Variants in DHX37 observed in about 807,000 individuals in gnomAD.
The protein encoded by DHX37 is DEAH-box helicase 37.
A neutral mutation model predicts 134.3 loss-of-function variants in DHX37; 52 were observed. The observed-to-expected ratio is 0.39, with a 90% CI of 0.31 to 0.49. The LOEUF (loss-of-function observed/expected upper bound fraction) is 0.49, where lower values mean the gene tolerates loss of function less well. Among genes scored for constraint, DHX37 ranks in the 20% least tolerant of loss-of-function variants. The pLI, the probability that DHX37 is intolerant of heterozygous loss-of-function variation, is 0.93. For synonymous variants in DHX37, 634 were observed against 670.7 expected, an observed-to-expected ratio of 0.95 and a Z score of 0.85; for missense variants, 1,344 against 1,580.8, an observed-to-expected ratio of 0.85 and a Z score of 2.54.
rs778216708 is a variant in DHX37 at position 124,964,603 on chromosome 12, C to T, written c.1836G>A (p.Gly612=). ...QAQVFKPPPE[G]TRLCVVATNV... ...TGGTGGCCACAACACACAACCGAGT[C>T]CCCTCCGGTGGAGGCTTAAAGACCT... Residue 612 remains glycine, a synonymous_variant, in exon 15 of 27, where the codon GGG becomes GGA. Transcript: ENST00000308736. 2 of 1,612,408 alleles carry T rather than the reference C, an allele frequency of 1.2e-6. No individual in the cohort carries two copies. The highest frequency in any genetic ancestry group is 1.7e-6 in the Non-Finnish European group (2 of 1,179,544).
chr12:124,950,663 C>A (rs745664037), intron 22 of DHX37, 27 bp downstream of exon 22: 3 of 1,609,792 alleles, frequency 1.9e-6, no homozygotes, highest in East Asian at 4.5e-5. Flanking sequence ...CATCGGGGGA[C>A]AAGGGGCTGT....
At position 124,982,586 on chromosome 12, in the gene DHX37, G is replaced by A. The variant is rs1396615441; in HGVS notation, c.314C>T (p.Ala105Val). The A allele has an allele frequency of 3.1e-6, 5 of 1,613,716 alleles. No homozygotes were observed. In the South Asian group the frequency reaches 4.4e-5, roughly 14 times the overall value. ...EMLQKLSEVQ[A>V]SEAEMRLFYT... ...AAAGAGTCTCATCTCAGCTTCGGAA[G>A]CCTGGACTTCACTCAGCTTCTGTAG... The change falls in exon 3 of 27, where the codon GCT (alanine) becomes GTT (valine). Residue 105 changes from alanine to valine, a missense_variant. Ala to Val is a moderately conservative substitution (Grantham distance 64, BLOSUM62 0). Coordinates refer to ENST00000308736, the MANE Select transcript of DHX37 (RefSeq NM_032656.4).
intron 1 of DHX37, among the ~76,000 whole-genome samples, 185 bp downstream of exon 1, chr12:124,988,732 C>A (rs1206341740): frequency 6.6e-6 from 1 of 151,964 alleles, no homozygotes; most frequent in Non-Finnish European, 1.5e-5. Context: ...ATTCCATATA[C>A]ACTGTTAAAA....
At chr12:124,970,791 C>G (rs192440492) in intron 8 of DHX37, among the ~76,000 whole-genome samples, 1 of 152,340 alleles carries the variant, frequency 6.6e-6, no homozygotes, top group East Asian at 1.9e-4. Context: ...CCCCTCTCCC[C>G]GCCGGGAGGG....
At chr12:124,976,464 C>A (rs1000450782) in intron 5 of DHX37, among the ~76,000 whole-genome samples, 3 of 152,202 alleles carry the variant, frequency 2.0e-5, no homozygotes, top group Non-Finnish European at 2.9e-5. Flanking sequence ...GTAATCCCAG[C>A]ACTTTGGGAG....
Position 124,965,780 on chromosome 12 carries a change from C to G in DHX37, c.1623G>C (p.Ser541=). ...VLPQINLDHY[S]VLPAGEGDED... Reference sequence around the variant, plus strand: ...CATCGCCTTCGCCTGCCGGTAACACCGAGTAATGATCCAAGTTGATCTGGG... The same window carrying G: ...CATCGCCTTCGCCTGCCGGTAACACGGAGTAATGATCCAAGTTGATCTGGG... The change falls in exon 13 of 27, where the codon TCG becomes TCC. Residue 541 remains serine (S), a synonymous_variant. Transcript: ENST00000308736. 6.2e-7 allele frequency: 1 copy of G among 1,613,906 alleles called. No individual in the cohort carries two copies. Among genetic ancestry groups the G allele is most frequent in the African/African-American group, 1.3e-5 (1 of 75,048 alleles).
Position 124,950,393 on chromosome 12 carries a change from A to C in DHX37, c.3121+20T>G, listed in dbSNP as rs1217957933. On this transcript the variant is annotated intron_variant, in intron 23 of 26. Coordinates refer to ENST00000308736, the MANE Select transcript of DHX37 (RefSeq NM_032656.4). ...CGGCTGCAGGAGGCTCAGGTTGCCCAGGACACTGCCCCAACTCACAGAACA... is the reference window on the plus strand; with the variant it reads ...CGGCTGCAGGAGGCTCAGGTTGCCCCGGACACTGCCCCAACTCACAGAACA... 6.3e-7 allele frequency: 1 copy of C among 1,598,086 alleles called. No homozygotes were observed. The highest frequency in any genetic ancestry group is 1.7e-5 in the Admixed American group (1 of 58,518).
chr12:124,970,465 T>C (rs1954492257), intron 8 of DHX37, among the ~76,000 whole-genome samples: 1 of 152,202 alleles, frequency 6.6e-6, no homozygotes, highest in East Asian at 1.9e-4. Context: ...TCAGGACCTT[T>C]GCATTGCTCT....
chr12:124,955,581 G>A (rs934149478), intron 18 of DHX37, among the ~76,000 whole-genome samples: 12 of 152,234 alleles, frequency 7.9e-5, no homozygotes, highest in African/African-American at 2.9e-4. Flanking sequence ...CAAGTGCTGG[G>A]ATTACAGGCG....
At chr12:124,950,903 C>A (rs976036579) in intron 21 of DHX37, 99 bp from the exon 22 acceptor site, 1 of 1,422,618 alleles carries the variant, frequency 7.0e-7, no homozygotes, top group East Asian at 2.7e-5. Context: ...CCACTCCAGC[C>A]GCAAAAGTGG....
intron 10 of DHX37, among the ~76,000 whole-genome samples, chr12:124,968,058 CA>C (rs759255699): frequency 6.4e-5 from 9 of 140,592 alleles, no homozygotes; most frequent in Admixed American, 3.0e-4. Context: ...CCAGCCTGGG[CA>C]ACAAGAGTAA....
chr12:124,985,327 G>A (rs1954845153), intron 2 of DHX37, among the ~76,000 whole-genome samples: 1 of 152,136 alleles, frequency 6.6e-6, no homozygotes, highest in Admixed American at 6.6e-5. Context: ...GATCAATGTT[G>A]GAGCTGGCGA....
In DHX37 at chr12:124,980,461, T is replaced by C; in HGVS notation, c.738+29A>G. 6.2e-7 allele frequency: 1 copy of C among 1,600,200 alleles called. No homozygotes were observed. Among genetic ancestry groups the C allele is most frequent in the Non-Finnish European group, 8.5e-7 (1 of 1,176,178 alleles). On this transcript the variant is annotated intron_variant, in intron 4 of 26. Coordinates refer to ENST00000308736, the MANE Select transcript of DHX37 (RefSeq NM_032656.4). The surrounding 1 kb of genome is among the most constrained non-coding windows in gnomAD (Gnocchi z 5.3). ...TGCGCCCCTTGCCCGCTAACCTAGA[T>C]TCTTAATCACAAACACGGGGTGGCG...
chr12:124,950,503 A>G lies in DHX37; in HGVS notation c.3031T>C (p.Tyr1011His), dbSNP rs376756435. The G allele has an allele frequency of 2.4e-5, 37 of 1,569,570 alleles. No homozygotes were observed. The African/African-American group carries it at 4.6e-4, about 20-fold the overall frequency. The change falls in exon 23 of 27, where the codon TAC becomes CAC. Residue 1011 changes from tyrosine (Y) to histidine (H), a missense_variant. Tyr to His is a moderately conservative substitution (Grantham distance 83). Transcript: ENST00000308736. ...VQWIPALLPS[Y>H]CQFDKPLEEP... ...TCCAGGGGCTTGTCAAACTGGCAGT[A>G]AGAGGGCAGCAGGGCCGGGATCCAC...
At position 124,985,346 on chromosome 12, in the gene DHX37, T is replaced by C. The variant is rs536129434; in HGVS notation, c.276+750A>G. Among the ~76,000 whole-genome samples, 4 of 152,222 alleles carry C rather than the reference T, an allele frequency of 2.6e-5. No homozygotes were observed. The South Asian group carries it at 8.3e-4, about 32-fold the overall frequency. ...AATGTTGGAGCTGGCGATGGGCACATGGGAGTTCATCATACTGTTCTCTTT... is the reference window on the plus strand; with the variant it reads ...AATGTTGGAGCTGGCGATGGGCACACGGGAGTTCATCATACTGTTCTCTTT... On this transcript the variant is annotated intron_variant, in intron 2 of 26. Transcript: ENST00000308736.
intron 21 of DHX37, among the ~76,000 whole-genome samples, 170 bp from the exon 22 acceptor site, chr12:124,950,974 T>C (rs1196059635): frequency 6.6e-6 from 1 of 151,992 alleles, no homozygotes; most frequent in Non-Finnish European, 1.5e-5. Context: ...GATCCAGCCG[T>C]GAAAAGGAAG....
intron 4 of DHX37, among the ~76,000 whole-genome samples, chr12:124,979,707 A>G (rs983976065): frequency 1.6e-4 from 25 of 152,230 alleles, no homozygotes; most frequent in Non-Finnish European, 8.8e-5. Context: ...AAGGGATGGC[A>G]GGGACACGGG....
Position 124,966,795 on chromosome 12 carries a change from CAG to C in DHX37, c.1586_1587del (p.Ala529GlyfsTer21). The C allele has an allele frequency of 6.2e-7, 1 of 1,614,248 alleles. No individual in the cohort carries two copies. The highest frequency in any genetic ancestry group is 8.5e-7 in the Non-Finnish European group (1 of 1,180,032). Reference sequence around the variant, plus strand: ...GTCCCTGCCAGCCCCCCACGTACCTCAGCCCGCGCCTTCTTGGCCCTGGCCCT... The same window carrying C: ...GTCCCTGCCAGCCCCCCACGTACCTCCCCGCGCCTTCTTGGCCCTGGCCCT... ...KSRARAKKAR[A>X]EVLPQINLDH... On this transcript the variant is annotated frameshift_variant, in exon 12 of 27. Transcript: ENST00000308736. LOFTEE classifies it high-confidence loss of function.
intron 21 of DHX37, among the ~76,000 whole-genome samples, chr12:124,951,377 A>C (rs1005883598): frequency 6.6e-6 from 1 of 152,104 alleles, no homozygotes; most frequent in African/African-American, 2.4e-5. Flanking sequence ...ATGAAAAGCC[A>C]TGTATGTTAA....
Sources: gnomAD v4.1 joint callset for allele counts (sites outside exome capture counted in the v4.1 genomes callset) on GRCh38, gnomAD v4.1.1 for gene constraint, Gnocchi (gnomAD v3.1) non-coding constraint, MANE v1.5 for transcripts, NCBI Gene and HGNC (gene_info 2026-07-23, HGNC 2026-07-21) for gene names.